TET3: variants seen among roughly 807,000 people sequenced by gnomAD.
TET3 encodes tet methylcytosine dioxygenase 3, also known as methylcytosine dioxygenase TET3.
In TET3, 19 loss-of-function variants were observed where a neutral mutation model predicts 141.4. That is an observed-to-expected ratio of 0.13 (90% CI 0.09 to 0.20). TET3 has a LOEUF of 0.20. Among genes scored for constraint, TET3 ranks in the 10% least tolerant of loss-of-function variants. TET3 has a pLI of 1.00. For synonymous variants in TET3, 1,043 were observed against 980.9 expected, an observed-to-expected ratio of 1.06 and a Z score of -1.18; for missense variants, 1,874 against 2,356.9, an observed-to-expected ratio of 0.80 and a Z score of 4.24.
chr2:73,985,490 G>A (rs1683972563), intron 1 of TET3, among the ~76,000 whole-genome samples: 1 of 145,512 alleles, frequency 6.9e-6, no homozygotes, highest in South Asian at 2.1e-4. Flanking sequence ...GCCCTCCCCA[G>A]TCGGGCTGGC....
chr2:74,058,803 C>T (rs181370467), intron 4 of TET3, among the ~76,000 whole-genome samples: 2 of 152,216 alleles, frequency 1.3e-5, no homozygotes, highest in East Asian at 3.9e-4. Flanking sequence ...AGGCTGGCAG[C>T]CTGCAGACCA....
At chr2:74,098,524 A>G (rs1690979097) in intron 10 of TET3, among the ~76,000 whole-genome samples, 1 of 152,006 alleles carries the variant, frequency 6.6e-6, no homozygotes, top group South Asian at 2.1e-4. Context: ...GTGGGATGGG[A>G]GATTTTGTTT....
chr2:74,123,317 T>A, the TET3 span: 1 of 152,206 alleles, frequency 6.6e-6, no homozygotes, highest in African/African-American at 2.4e-5. Context: ...CGAGACTCTG[T>A]CTCAATGAAT....
intron 3 of TET3, among the ~76,000 whole-genome samples, chr2:74,009,773 G>A (rs1427444101): frequency 6.6e-6 from 1 of 152,236 alleles, no homozygotes; most frequent in Non-Finnish European, 1.5e-5. Flanking sequence ...AGGGCTCTAT[G>A]TCAATCATCC....
At chr2:74,065,067 TGATA>T (rs1688809192) in intron 4 of TET3, among the ~76,000 whole-genome samples, 1 of 152,228 alleles carries the variant, frequency 6.6e-6, no homozygotes, top group South Asian at 2.1e-4. Context: ...GTATATATAG[TGATA>T]GATCCATCTA....
intron 3 of TET3, among the ~76,000 whole-genome samples, chr2:74,034,886 T>G (rs944725049): frequency 6.6e-6 from 1 of 151,796 alleles, no homozygotes; most frequent in Admixed American, 6.6e-5. Context: ...TTCCTGCCAG[T>G]GAGGTATAAG....
At chr2:74,004,653 G>GGGAT (rs1240144691) in intron 3 of TET3, among the ~76,000 whole-genome samples, 3 of 152,178 alleles carry the variant, frequency 2.0e-5, no homozygotes, top group Non-Finnish European at 4.4e-5. Flanking sequence ...ATGATCACCT[G>GGGAT]GGATGAGGCG....
At position 73,988,990 on chromosome 2, in the gene TET3, G is replaced by GTTTTT. The variant is rs1437398059; in HGVS notation, c.303+2288_303+2292dup. On this transcript the variant is annotated intron_variant, in intron 2 of 11. Coordinates refer to ENST00000409262, the MANE Select transcript of TET3 (RefSeq NM_001287491.2). ...GTGCCTCTCTCTGAAAAAAAAAAAA[G>GTTTTT]TTTTTTTTGTTTTTTTTTTTTTTTG... Among the ~76,000 whole-genome samples the GTTTTT allele has an allele frequency of 4.1e-3, 440 of 106,256 alleles. 32 individuals carry two copies. Among genetic ancestry groups the GTTTTT allele is most frequent in the African/African-American group, 0.015 (393 of 27,086 alleles). 69.7% of individuals were successfully genotyped at this position (106,256 alleles called of 152,430 possible). A position where few individuals can be genotyped will look rare whatever the true frequency, so the allele number is the denominator to read the frequency against.
chr2:74,114,548 T>A, the TET3 span, among the ~76,000 whole-genome samples: 1 of 152,020 alleles, frequency 6.6e-6, no homozygotes. Flanking sequence ...TAAAATTAAA[T>A]CTCTTAAAAG....
chr2:74,068,107 C>A (rs543883845), intron 4 of TET3, among the ~76,000 whole-genome samples: 3 of 152,054 alleles, frequency 2.0e-5, no homozygotes, highest in Non-Finnish European at 2.9e-5. Flanking sequence ...CATGAGTAGA[C>A]GCCGTCAGTG....
rs1159403382 is a variant in TET3 at position 74,047,517 on chromosome 2, C to T, written c.1600C>T (p.His534Tyr). The T allele has an allele frequency of 6.2e-7, 1 of 1,613,368 alleles. No individual in the cohort carries two copies. Among genetic ancestry groups the T allele is most frequent in the Non-Finnish European group, 8.5e-7 (1 of 1,179,884 alleles). Residue 534 changes from histidine to tyrosine, a missense_variant, in exon 4 of 12, where the codon CAC becomes TAC. This residue lies in a region of TET3 where 484 missense variants were observed against 462.2 expected (regional missense o/e 1.05). Coordinates refer to ENST00000409262, the MANE Select transcript of TET3 (RefSeq NM_001287491.2). The part of the protein sequence containing the change: ...AQTALQQHLH[H>Y]KRSLFLEQVH... ...GACCGCCCTGCAGCAGCACCTCCAC[C>T]ACAAGCGCAGCCTCTTCCTAGAACA...
At chr2:74,003,197 C>T (rs550257775) in intron 3 of TET3, 31 bp downstream of exon 3, 7 of 1,361,642 alleles carry the variant, frequency 5.1e-6, no homozygotes, top group East Asian at 2.4e-5. Context: ...CGTGTGTGTG[C>T]GTGTGTGTGG....
chr2:74,088,618 G>T (rs192493176), intron 7 of TET3, among the ~76,000 whole-genome samples: 6 of 152,236 alleles, frequency 3.9e-5, no homozygotes, highest in Non-Finnish European at 8.8e-5. Context: ...TCCAGCCTGG[G>T]CAACAGTGAG....
intron 4 of TET3, among the ~76,000 whole-genome samples, chr2:74,054,651 G>A (rs977369993): frequency 6.6e-6 from 1 of 152,202 alleles, no homozygotes; most frequent in African/African-American, 2.4e-5. Context: ...CCATTTAGGG[G>A]AGAGGAGCTC....
At chr2:73,985,599 C>T (rs1683982044) in intron 1 of TET3, among the ~76,000 whole-genome samples, 1 of 151,234 alleles carries the variant, frequency 6.6e-6, no homozygotes, top group Non-Finnish European at 1.5e-5. Context: ...GGCAGTCCCG[C>T]CGAGCGAGGC....
chr2:74,079,580 C>T (rs2103986070), intron 5 of TET3, among the ~76,000 whole-genome samples: 1 of 152,304 alleles, frequency 6.6e-6, no homozygotes, highest in South Asian at 2.1e-4. Context: ...AACTTCAAAG[C>T]ACTTTAAATA....
chr2:74,056,573 A>T (rs984033301), intron 4 of TET3, among the ~76,000 whole-genome samples: 1 of 152,176 alleles, frequency 6.6e-6, no homozygotes, highest in Admixed American at 6.5e-5. Context: ...TTCTTCTCTC[A>T]GTGGTCAAAA....
In TET3 at chr2:74,073,590, T is replaced by C. The variant is rs7560668; in HGVS notation, c.2536T>C (p.Leu846=). Residue 846 remains leucine (L), a synonymous_variant, in exon 5 of 12, where the codon TTG becomes CTG. Transcript: ENST00000409262. ...EKDEGPYYTH[L]GSGPTVASIR... is the part of the protein sequence containing the mutation. ...AGATGAAGGTCCATATTATACTCAC[T>C]TGGGATCTGGCCCCACGGTCGCCTC... The C allele has an allele frequency of 0.3, 485,975 of 1,610,182 alleles. 81,195 individuals carry two copies. The highest frequency in any genetic ancestry group is 0.68 in the African/African-American group (50,523 of 74,792).
chr2:74,032,277 A>G (rs755435746), intron 3 of TET3, among the ~76,000 whole-genome samples: 4 of 151,960 alleles, frequency 2.6e-5, no homozygotes, highest in Non-Finnish European at 1.5e-5. Flanking sequence ...TCTTTAGCCT[A>G]TTAGACTTTT....
Sources: allele counts gnomAD v4.1 joint callset (sites outside exome capture counted in the v4.1 genomes callset), GRCh38; gene constraint gnomAD v4.1.1; regional missense constraint gnomAD v4.1.1; transcripts MANE v1.5; gene names NCBI Gene and HGNC (gene_info 2026-07-23, HGNC 2026-07-21).